The following LRP4 variants were observed in gnomAD, a reference collection of about 807,000 sequenced individuals.
LRP4 encodes the protein LDL receptor related protein 4.
A neutral mutation model predicts 220.3 loss-of-function variants in LRP4; 95 were observed. That is an observed-to-expected ratio of 0.43 (90% CI 0.37 to 0.51). The LOEUF (loss-of-function observed/expected upper bound fraction) is 0.51. Ranked by LOEUF, LRP4 falls within the 20% of genes least tolerant of loss-of-function variation. The pLI is 0.00. For missense variants in LRP4, 1,925 were observed against 2,567.0 expected, an observed-to-expected ratio of 0.75 and a Z score of 5.40; for synonymous variants, 903 against 954.6, an observed-to-expected ratio of 0.95 and a Z score of 1.00.
In LRP4 at chr11:46,881,840, T is replaced by C. The variant is rs771134750; in HGVS notation, c.2676A>G (p.Ser892=). The change falls in exon 20 of 38, where the codon TCA becomes TCG. Residue 892 remains serine (S), a synonymous_variant. Coordinates refer to ENST00000378623, the MANE Select transcript of LRP4 (RefSeq NM_002334.4). ...TAGAAGAGATAATGACTTGGCGGCCTGAGGCATCCATGCCAGCTCGTTCAA... is the reference window on the plus strand; with the variant it reads ...TAGAAGAGATAATGACTTGGCGGCCCGAGGCATCCATGCCAGCTCGTTCAA... ...PKIERAGMDA[S]GRQVIISSNL... 6.2e-7 allele frequency: 1 copy of C among 1,614,212 alleles called. No individual in the cohort carries two copies. Among genetic ancestry groups the C allele is most frequent in the South Asian group, 1.1e-5 (1 of 91,078 alleles).
chr11:46,907,247 G>T, intron 1 of LRP4, among the ~76,000 whole-genome samples: 1 of 152,184 alleles, frequency 6.6e-6, no homozygotes, highest in East Asian at 1.9e-4. Flanking sequence ...CTGGGCTCTA[G>T]CCCCTCCACC....
At chr11:46,877,063 A>G in intron 23 of LRP4, 136 bp downstream of exon 23, 1 of 1,069,464 alleles carries the variant, frequency 9.4e-7, no homozygotes, top group Non-Finnish European at 1.4e-6. Context: ...AGAGACAGGG[A>G]CAGGGGCTAT....
chr11:46,896,825 C>T (rs748295712), intron 8 of LRP4, 44 bp downstream of exon 8: 2 of 1,613,664 alleles, frequency 1.2e-6, no homozygotes, highest in Non-Finnish European at 1.7e-6. Flanking sequence ...CCCTTCCACC[C>T]CAACTATAGG....
Position 46,862,789 on chromosome 11 carries a change from A to C in LRP4, c.5244-42T>G, listed in dbSNP as rs763465143. On this transcript the variant is annotated intron_variant, in intron 36 of 37. Coordinates refer to ENST00000378623, the MANE Select transcript of LRP4 (RefSeq NM_002334.4). Reference sequence around the variant, plus strand: ...GATGAGAAATTAGTCGAGATCTTTAAGGGGATGATACCTGGGAAAGCTGTA... The same window carrying C: ...GATGAGAAATTAGTCGAGATCTTTACGGGGATGATACCTGGGAAAGCTGTA... 3 of 1,591,536 alleles carry C rather than the reference A, an allele frequency of 1.9e-6. No individual in the cohort carries two copies. The South Asian group carries it at 3.3e-5, about 18-fold the overall frequency.
intron 30 of LRP4, 118 bp downstream of exon 30, chr11:46,872,982 T>G (rs983019237): frequency 1.5e-6 from 2 of 1,368,060 alleles, no homozygotes; most frequent in East Asian, 4.6e-5. Flanking sequence ...TTCTCAATGA[T>G]TCCTCTTCCC....
intron 1 of LRP4, among the ~76,000 whole-genome samples, chr11:46,905,765 T>C (rs1941749240): frequency 1.3e-5 from 2 of 151,380 alleles, no homozygotes; most frequent in African/African-American, 2.4e-5. Context: ...GGCAGGAGAA[T>C]TGCTTGAACC....
chr11:46,915,218 C>G (rs1156362775), intron 1 of LRP4, among the ~76,000 whole-genome samples: 1 of 152,176 alleles, frequency 6.6e-6, no homozygotes, highest in Non-Finnish European at 1.5e-5. Flanking sequence ...ACGACAACAG[C>G]GAGATGGAAA....
intron 34 of LRP4, among the ~76,000 whole-genome samples, chr11:46,866,749 T>C (rs976670141): frequency 4.6e-5 from 7 of 152,170 alleles, no homozygotes; most frequent in African/African-American, 1.7e-4. Context: ...TGAAGCCCCA[T>C]CTCTACAAAA....
intron 1 of LRP4, among the ~76,000 whole-genome samples, chr11:46,904,937 C>T (rs1288241524): frequency 2.8e-5 from 4 of 144,438 alleles, no homozygotes; most frequent in African/African-American, 1.0e-4. Context: ...GATCTCACCA[C>T]TGCACTCCAG....
intron 13 of LRP4, among the ~76,000 whole-genome samples, 156 bp downstream of exon 13, chr11:46,892,817 G>A (rs577371332): frequency 4.5e-4 from 68 of 152,212 alleles, no homozygotes; most frequent in African/African-American, 1.6e-3. Flanking sequence ...TGATCTGCCC[G>A]CCTTGGCCTC....
At position 46,875,544 on chromosome 11, in the gene LRP4, G is replaced by A. The variant is rs779045515; in HGVS notation, c.3837C>T (p.Asp1279=). ...GGATGACATTGCTGCCAGTACCCTTGTCAGCACGGTGGATGCTCCGAGTCT... is the reference window on the plus strand; with the variant it reads ...GGATGACATTGCTGCCAGTACCCTTATCAGCACGGTGGATGCTCCGAGTCT... ...DWQTRSIHRA[D]KGTGSNVILV... is the part of the protein sequence containing the mutation. The change falls in exon 27 of 38, where the codon GAC becomes GAT. Residue 1279 remains aspartate (D), a synonymous_variant. Coordinates refer to ENST00000378623, the MANE Select transcript of LRP4 (RefSeq NM_002334.4). The surrounding 1 kb of genome is among the most constrained non-coding windows in gnomAD (Gnocchi z 4.5). 4.0e-5 allele frequency: 65 copies of A among 1,614,028 alleles called. No individual in the cohort carries two copies. The highest frequency in any genetic ancestry group is 2.9e-5 in the Non-Finnish European group (34 of 1,180,038).
intron 20 of LRP4, 58 bp downstream of exon 20, chr11:46,881,644 A>T: frequency 6.5e-7 from 1 of 1,539,632 alleles, no homozygotes; most frequent in Non-Finnish European, 9.0e-7. Flanking sequence ...GGAGGCTGTC[A>T]AGGCTGTGGG....
In LRP4 at chr11:46,918,118, G is replaced by A. The variant is rs1477878486; in HGVS notation, c.52+210C>T. Among the ~76,000 whole-genome samples, 1 of 151,036 alleles carries A rather than the reference G, an allele frequency of 6.6e-6. No individual in the cohort carries two copies. Among genetic ancestry groups the A allele is most frequent in the Non-Finnish European group, 1.5e-5 (1 of 67,664 alleles). ...CAGACCCGCGCCCCGGCCCAGACCC[G>A]AACCCGCGGAAGCGCCTCCGCTGAT... On this transcript the variant is annotated intron_variant, in intron 1 of 37. Transcript: ENST00000378623. The surrounding 1 kb of genome is among the most constrained non-coding windows in gnomAD (Gnocchi z 6.0).
intron 13 of LRP4, 43 bp downstream of exon 13, chr11:46,892,930 C>T (rs760973760): frequency 1.1e-5 from 17 of 1,606,566 alleles, no homozygotes; most frequent in Middle Eastern, 2.2e-4. Context: ...GGAGCTGTCC[C>T]GAGAGGTTGC....
rs267607222 is a variant in LRP4, at chr11:46,899,884, C to T, written c.409G>A (p.Asp137Asn). 2 of 1,613,974 alleles carry T rather than the reference C, an allele frequency of 1.2e-6. No homozygotes were observed. Among genetic ancestry groups the T allele is most frequent in the Non-Finnish European group, 8.5e-7 (1 of 1,180,024 alleles). ...WHCDGDNDCG[D>N]NSDEQCDMRK... ...CCACCACACTGCTCATCGCTGTTGTCGCCACAGTCATTGTCACCATCGCAG... is the reference window on the plus strand; with the variant it reads ...CCACCACACTGCTCATCGCTGTTGTTGCCACAGTCATTGTCACCATCGCAG... The change falls in exon 4 of 38, where the codon GAC becomes AAC. Residue 137 changes from aspartate to asparagine, a missense_variant. Coordinates refer to ENST00000378623, the MANE Select transcript of LRP4 (RefSeq NM_002334.4). The surrounding 1 kb of genome is among the most constrained non-coding windows in gnomAD (Gnocchi z 5.9).
intron 1 of LRP4, among the ~76,000 whole-genome samples, chr11:46,907,501 C>A (rs369018012): frequency 1.3e-4 from 20 of 152,324 alleles, no homozygotes; most frequent in African/African-American, 4.6e-4. Context: ...TGTGGCCCAA[C>A]ACAAATTCGT....
intron 1 of LRP4, among the ~76,000 whole-genome samples, chr11:46,914,690 A>G (rs1410998553): frequency 6.6e-6 from 1 of 152,208 alleles, no homozygotes; most frequent in African/African-American, 2.4e-5. Context: ...AGCTGCATCA[A>G]GGAATGTAGA....
At chr11:46,880,226 GC>G (rs1941120019) in intron 20 of LRP4, among the ~76,000 whole-genome samples, 1 of 149,392 alleles carries the variant, frequency 6.7e-6, no homozygotes, top group Admixed American at 6.8e-5. Flanking sequence ...CACAGCTCCA[GC>G]TACTCAGGAG....
chr11:46,884,597 C>T (rs1445537051), intron 18 of LRP4, among the ~76,000 whole-genome samples: 2 of 151,944 alleles, frequency 1.3e-5, no homozygotes, highest in African/African-American at 2.4e-5. Flanking sequence ...ATTAGCCAGG[C>T]GTCGTGGCGG....
Sources: gnomAD v4.1 joint callset for allele counts (sites outside exome capture counted in the v4.1 genomes callset) on GRCh38, gnomAD v4.1.1 for gene constraint, Gnocchi (gnomAD v3.1) non-coding constraint, MANE v1.5 for transcripts, NCBI Gene and HGNC (gene_info 2026-07-23, HGNC 2026-07-21) for gene names.